Variants in RBM39 observed in about 807,000 individuals in gnomAD.
RBM39 encodes the protein RNA-binding protein 39.
A neutral mutation model predicts 79.6 loss-of-function variants in RBM39; 12 were observed. The ratio of observed to expected loss-of-function variants is 0.15; its 90% CI spans 0.10 to 0.24. The LOEUF is 0.24. Ranked by LOEUF, RBM39 falls within the 10% of genes least tolerant of loss-of-function variation. The pLI, the probability that RBM39 is intolerant of heterozygous loss-of-function variation, is 1.00. For missense variants in RBM39, 243 were observed against 653.4 expected (o/e 0.37, Z 6.85); for synonymous variants, 185 against 208.4 (o/e 0.89, Z 0.97).
chr20:35,729,721 A>G (rs1327382960), intron 4 of RBM39, among the ~76,000 whole-genome samples, 194 bp from the exon 5 acceptor site: 4 of 152,178 alleles, frequency 2.6e-5, no homozygotes, highest in Non-Finnish European at 5.9e-5. Flanking sequence ...ATCCTGGACC[A>G]CTGAGAGGTG....
In RBM39 at chr20:35,727,648, G is replaced by GT. The variant is rs773616534; in HGVS notation, c.416+1663dup. ...ACACCACCATGCCCAGCTAATTTTTGTATTTTTTTTTTTTTTTTGAGACAG... is the reference window on the plus strand; with the variant it reads ...ACACCACCATGCCCAGCTAATTTTTGTTATTTTTTTTTTTTTTTTGAGACAG... On this transcript the variant is annotated intron_variant, in intron 6 of 16. Transcript: ENST00000253363. Among the ~76,000 whole-genome samples the GT allele has an allele frequency of 5.7e-3, 769 of 134,538 alleles. 7 individuals carry two copies. Among genetic ancestry groups the GT allele is most frequent in the East Asian group, 0.034 (157 of 4,654 alleles). The allele number at this position is 134,538 out of a possible 152,430, so 88.3% of individuals were successfully genotyped here.
chr20:35,739,276 T>A, intron 2 of RBM39: 1 of 493,990 alleles, frequency 2.0e-6, no homozygotes. Flanking sequence ...CTTATATAGT[T>A]TAGATATTAA....
intron 14 of RBM39, among the ~76,000 whole-genome samples, chr20:35,705,801 A>T (rs1003997522): frequency 5.3e-5 from 8 of 152,020 alleles, no homozygotes; most frequent in African/African-American, 1.7e-4. Context: ...AAAAAAAAAA[A>T]GTTAAAAGAT....
intron 9 of RBM39, 106 bp from the exon 10 acceptor site, chr20:35,716,911 A>C: frequency 1.5e-6 from 1 of 684,134 alleles, no homozygotes; most frequent in Non-Finnish European, 2.5e-6. Context: ...ATCCTCCAAA[A>C]TAGAAGACTT....
At chr20:35,706,818 G>A (rs913317676) in intron 14 of RBM39, among the ~76,000 whole-genome samples, 3 of 151,626 alleles carry the variant, frequency 2.0e-5, no homozygotes, top group Non-Finnish European at 4.4e-5. Context: ...ACCTCAGGTC[G>A]GGAGTTTGAG....
intron 8 of RBM39, among the ~76,000 whole-genome samples, chr20:35,723,402 C>T (rs1321431268): frequency 6.6e-6 from 1 of 152,160 alleles, no homozygotes; most frequent in Non-Finnish European, 1.5e-5. Flanking sequence ...CACCCAGCCA[C>T]TAAGTTTGTC....
At chr20:35,736,216 G>A (rs1482313010) in intron 3 of RBM39, among the ~76,000 whole-genome samples, 3 of 152,050 alleles carry the variant, frequency 2.0e-5, no homozygotes, top group Non-Finnish European at 2.9e-5. Flanking sequence ...CATTACTGTG[G>A]CAGAAAGTCT....
intron 8 of RBM39, among the ~76,000 whole-genome samples, chr20:35,723,078 A>G (rs532121865): frequency 1.3e-5 from 2 of 152,292 alleles, no homozygotes; most frequent in Non-Finnish European, 2.9e-5. Context: ...GAATTGTTAG[A>G]CACAACCAAC....
In RBM39 at chr20:35,725,021, A is replaced by C; in HGVS notation, c.534+17T>G. 1.3e-6 allele frequency: 2 copies of C among 1,556,374 alleles called. No individual in the cohort carries two copies. The highest frequency in any genetic ancestry group is 8.8e-7 in the Non-Finnish European group (1 of 1,134,824). The stretch of plus-strand genomic sequence containing the variant: ...CAATTTCTACCTACTTGACCTCCCT[A>C]AACAGGTTAAGATTACCTTTCCTAC... On this transcript the variant is annotated intron_variant, in intron 7 of 16. Coordinates refer to ENST00000253363, the MANE Select transcript of RBM39 (RefSeq NM_184234.3).
chr20:35,701,929 T>C lies in RBM39; in HGVS notation c.*2552A>G, dbSNP rs910297190. On this transcript the variant is annotated 3_prime_UTR_variant, in exon 17 of 17. Coordinates refer to ENST00000253363, the MANE Select transcript of RBM39 (RefSeq NM_184234.3). ...TATTTAGATATACCTAGTGGCTTTA[T>C]CAGAAAAAGCAAAACAGTTCATCCA... 2.6e-5 allele frequency: 4 copies of C among 151,106 alleles called. No homozygotes were observed. The highest frequency in any genetic ancestry group is 4.4e-5 in the Non-Finnish European group (3 of 67,956). The allele number at this position is 151,106 out of a possible 1,614,324, so 9.4% of individuals were successfully genotyped here.
intron 3 of RBM39, chr20:35,732,954 C>T (rs973721405): frequency 2.6e-5 from 4 of 152,200 alleles, no homozygotes; most frequent in Admixed American, 6.5e-5. Flanking sequence ...CAAAGGGTCA[C>T]ATAGACATCA....
At chr20:35,727,464 T>C (rs1396257806) in intron 6 of RBM39, among the ~76,000 whole-genome samples, 4 of 150,836 alleles carry the variant, frequency 2.7e-5, no homozygotes, top group South Asian at 2.1e-4. Context: ...ACCGAAATCG[T>C]AGACTGAACA....
At chr20:35,721,430 C>T (rs766126466) in intron 9 of RBM39, among the ~76,000 whole-genome samples, 1 of 152,172 alleles carries the variant, frequency 6.6e-6, no homozygotes, top group Non-Finnish European at 1.5e-5. Flanking sequence ...CTAATGTCAT[C>T]CTCCTGCCTC....
At chr20:35,709,196 AAT>A in intron 13 of RBM39, 26 bp downstream of exon 13, 1 of 1,564,172 alleles carries the variant, frequency 6.4e-7, no homozygotes, top group South Asian at 1.2e-5. Flanking sequence ...CAAAGACAAA[AAT>A]AAAAAATATG....
Position 35,728,764 on chromosome 20 carries a change from G to A in RBM39, c.416+548C>T, listed in dbSNP as rs112536738. ...TGCACTCCAGCCTGGGTGACAGAGC[G>A]AGACTCCATCTCATAAATAAATAAC... On this transcript the variant is annotated intron_variant, in intron 6 of 16. Transcript: ENST00000253363. Among the ~76,000 whole-genome samples the A allele has an allele frequency of 3.1e-3, 472 of 152,088 alleles. 1 individual carries two copies. The highest frequency in any genetic ancestry group is 0.011 in the African/African-American group (436 of 41,500).
At chr20:35,708,231 G>A (rs2035986520) in intron 13 of RBM39, among the ~76,000 whole-genome samples, 1 of 151,536 alleles carries the variant, frequency 6.6e-6, no homozygotes, top group Non-Finnish European at 1.5e-5. Flanking sequence ...CTGGAAAAAA[G>A]TTAAAGATTC....
rs1409827551 is a variant in RBM39 at position 35,729,385 on chromosome 20, CAG to C, written c.363-22_363-21del. 2 of 1,603,912 alleles carry C rather than the reference CAG, an allele frequency of 1.2e-6. No individual in the cohort carries two copies. The highest frequency in any genetic ancestry group is 4.5e-5 in the East Asian group (2 of 44,798). The stretch of plus-strand genomic sequence containing the variant: ...CGTCTGCTGCAAAGTTAAAAAGTTT[CAG>C]AAGTTATCCAAACAAGTACAGCATG... On this transcript the variant is annotated intron_variant, in intron 5 of 16. Coordinates refer to ENST00000253363, the MANE Select transcript of RBM39 (RefSeq NM_184234.3).
At chr20:35,722,107 C>T (rs1218566041) in intron 8 of RBM39, among the ~76,000 whole-genome samples, 3 of 152,082 alleles carry the variant, frequency 2.0e-5, no homozygotes, top group Admixed American at 1.3e-4. Context: ...GGAGTTACAG[C>T]TTCAAGAGTA....
In RBM39 at chr20:35,721,730, C is replaced by G; in HGVS notation, c.825+10G>C. 1.2e-6 allele frequency: 2 copies of G among 1,613,152 alleles called. No individual in the cohort carries two copies. The highest frequency in any genetic ancestry group is 1.1e-5 in the South Asian group (1 of 91,014). On this transcript the variant is annotated intron_variant, in intron 9 of 16. Transcript: ENST00000253363. ...ACCTACTGAAGATTCATTGAAGAAC[C>G]TGGACTTACTCTTCCAAAAGGCTCA...
Sources: allele counts gnomAD v4.1 joint callset (sites outside exome capture counted in the v4.1 genomes callset), GRCh38; gene constraint gnomAD v4.1.1; transcripts MANE v1.5; gene names NCBI Gene and HGNC (gene_info 2026-07-23, HGNC 2026-07-21).